The following IPCEF1 variants were observed in gnomAD, a reference collection of about 807,000 sequenced individuals.
IPCEF1 encodes interactor protein for cytohesin exchange factors 1.
Under a neutral mutation model 50.9 loss-of-function variants are expected in IPCEF1, and 31 were observed. That is an observed-to-expected ratio of 0.61 (90% CI 0.46 to 0.82). IPCEF1 has a LOEUF of 0.82. Ranked by LOEUF, IPCEF1 falls within the 40% of genes least tolerant of loss-of-function variation. The probability of loss-of-function intolerance (pLI) is 0.00; values close to 1 mark genes in which losing one functional copy is unlikely to be tolerated. For missense variants in IPCEF1, 458 were observed against 514.0 expected (o/e 0.89, Z 1.05); for synonymous variants, 181 against 192.0 (o/e 0.94, Z 0.47).
At chr6:154,233,944 C>T (rs1404662033) in intron 5 of IPCEF1, among the ~76,000 whole-genome samples, 1 of 152,196 alleles carries the variant, frequency 6.6e-6, no homozygotes, top group Admixed American at 6.5e-5. Context: ...CGCCGTGGCT[C>T]ACACCTGTAA....
chr6:154,185,662 T>G (rs1332315869), intron 10 of IPCEF1, among the ~76,000 whole-genome samples: 1 of 152,236 alleles, frequency 6.6e-6, no homozygotes, highest in African/African-American at 2.4e-5. Context: ...AACAGTCAAC[T>G]TTTAATCCGG....
intron 5 of IPCEF1, among the ~76,000 whole-genome samples, chr6:154,243,107 G>A (rs1418332008): frequency 6.6e-6 from 1 of 152,198 alleles, no homozygotes; most frequent in Non-Finnish European, 1.5e-5. Context: ...GGCTTAGAGA[G>A]AGCCAGCCCA....
At chr6:154,240,135 A>C (rs1780462591) in intron 5 of IPCEF1, among the ~76,000 whole-genome samples, 1 of 152,234 alleles carries the variant, frequency 6.6e-6, no homozygotes, top group South Asian at 2.1e-4. Context: ...GTCTGGGAAC[A>C]CATCAGTGTT....
At chr6:154,195,363 G>A (rs1020499876) in intron 10 of IPCEF1, among the ~76,000 whole-genome samples, 7 of 151,968 alleles carry the variant, frequency 4.6e-5, no homozygotes, top group Admixed American at 3.9e-4. Flanking sequence ...TAGCCAGGAT[G>A]GTCTCGATCT....
At position 154,329,524 on chromosome 6, in the gene IPCEF1, G is replaced by A. The variant is rs145120034; in HGVS notation, c.-62+27148C>T. Among the ~76,000 whole-genome samples the A allele has an allele frequency of 9.9e-5, 15 of 151,990 alleles. No individual in the cohort carries two copies. The East Asian group carries it at 2.1e-3, about 22-fold the overall frequency. On this transcript the variant is annotated intron_variant, in intron 1 of 11. Coordinates refer to ENST00000367220, the MANE Select transcript of IPCEF1 (RefSeq NM_001130700.2). ...AGGTGGGAGGATCACTTGAGCCCAG[G>A]AGGCTGCAGTGAGCCATGACCGCGC... is the stretch of plus-strand genomic sequence containing the variant.
chr6:154,339,443 T>C (rs2128697046), intron 1 of IPCEF1, among the ~76,000 whole-genome samples: 1 of 151,926 alleles, frequency 6.6e-6, no homozygotes, highest in South Asian at 2.1e-4. Context: ...TTTAATTTTT[T>C]TTTTTTTTTA....
chr6:154,257,324 A>G (rs897188508), intron 3 of IPCEF1, among the ~76,000 whole-genome samples: 12 of 152,174 alleles, frequency 7.9e-5, no homozygotes, highest in African/African-American at 2.9e-4. Context: ...CATTTAGCGG[A>G]ACATTTTTTA....
At chr6:154,351,562 G>T (rs1043961563) in intron 1 of IPCEF1, among the ~76,000 whole-genome samples, 1 of 152,218 alleles carries the variant, frequency 6.6e-6, no homozygotes, top group Non-Finnish European at 1.5e-5. Flanking sequence ...GCTCTGCTCA[G>T]ACTCGCCCTT....
chr6:154,255,783 T>C (rs1781445961), intron 3 of IPCEF1, among the ~76,000 whole-genome samples: 1 of 152,174 alleles, frequency 6.6e-6, no homozygotes, highest in Non-Finnish European at 1.5e-5. Flanking sequence ...ATACTCTTTT[T>C]TGAAAGTGTC....
At chr6:154,270,707 G>A (rs2128657825) in intron 2 of IPCEF1, among the ~76,000 whole-genome samples, 1 of 152,274 alleles carries the variant, frequency 6.6e-6, no homozygotes, top group Non-Finnish European at 1.5e-5. Flanking sequence ...CAGGTACGGT[G>A]GCTCACGCCT....
chr6:154,164,839 G>A (rs753123639), intron 11 of IPCEF1, among the ~76,000 whole-genome samples: 2 of 152,168 alleles, frequency 1.3e-5, no homozygotes, highest in Non-Finnish European at 2.9e-5. Flanking sequence ...AGTGAATGAT[G>A]AGCTGTTAGA....
At chr6:154,303,904 G>A (rs375970746) in intron 1 of IPCEF1, among the ~76,000 whole-genome samples, 3 of 152,166 alleles carry the variant, frequency 2.0e-5, no homozygotes, top group East Asian at 3.9e-4. Flanking sequence ...CTGAGCAAGA[G>A]AGCAAGACGT....
At chr6:154,302,271 ATC>A (rs1782815024) in intron 1 of IPCEF1, among the ~76,000 whole-genome samples, 1 of 152,192 alleles carries the variant, frequency 6.6e-6, no homozygotes, top group African/African-American at 2.4e-5. Context: ...GCTGTCAGAA[ATC>A]TCTGAGTCAC....
chr6:154,282,683 T>A (rs1274930782), intron 2 of IPCEF1, among the ~76,000 whole-genome samples: 1 of 151,634 alleles, frequency 6.6e-6, no homozygotes, highest in Non-Finnish European at 1.5e-5. Context: ...CGAGACTCCG[T>A]CTCAAAAAAA....
At chr6:154,325,842 G>C (rs1331363222) in intron 1 of IPCEF1, among the ~76,000 whole-genome samples, 1 of 152,090 alleles carries the variant, frequency 6.6e-6, no homozygotes, top group East Asian at 1.9e-4. Context: ...CACAATAATT[G>C]CCATCATAAT....
rs1405995764 is a variant in IPCEF1 at position 154,241,191 on chromosome 6, G to A, written c.246+5400C>T. Among the ~76,000 whole-genome samples the A allele has an allele frequency of 5.5e-5, 8 of 146,190 alleles. No homozygotes were observed. The East Asian group carries it at 8.1e-4, about 15-fold the overall frequency. On this transcript the variant is annotated intron_variant, in intron 5 of 11. Transcript: ENST00000367220. The stretch of plus-strand genomic sequence containing the variant: ...GCGGAGGTTGCAGTGAGCCGAGATC[G>A]CGCCACTGCACTTCAGCCTAGCAAC...
At chr6:154,356,068 A>G (rs981887729) in intron 1 of IPCEF1, among the ~76,000 whole-genome samples, 15 of 152,226 alleles carry the variant, frequency 9.9e-5, no homozygotes, top group Admixed American at 9.2e-4. Context: ...GCTGTAGTCA[A>G]AGATGCTTCA....
intron 3 of IPCEF1, among the ~76,000 whole-genome samples, chr6:154,248,112 C>T (rs1338668669): frequency 6.6e-6 from 1 of 152,100 alleles, no homozygotes; most frequent in African/African-American, 2.4e-5. Context: ...GTTATTCTGT[C>T]TTTAAATATC....
At chr6:154,166,534 G>A (rs577840701) in intron 11 of IPCEF1, among the ~76,000 whole-genome samples, 1 of 152,328 alleles carries the variant, frequency 6.6e-6, no homozygotes, top group East Asian at 1.9e-4. Context: ...TTTCGTGACA[G>A]TGTTCCTAAT....
Sources: allele counts gnomAD v4.1 joint callset (sites outside exome capture counted in the v4.1 genomes callset), GRCh38; gene constraint gnomAD v4.1.1; transcripts MANE v1.5; gene names NCBI Gene and HGNC (gene_info 2026-07-23, HGNC 2026-07-21).